SLC13A5: variants seen among roughly 807,000 people sequenced by gnomAD.
The protein encoded by SLC13A5 is solute carrier family 13 member 5, also known as Na(+)/citrate cotransporter.
A neutral mutation model predicts 56.5 loss-of-function variants in SLC13A5; 25 were observed. The observed-to-expected ratio is 0.44, with a 90% CI of 0.32 to 0.62. SLC13A5 has a LOEUF of 0.62. Ranked by LOEUF, SLC13A5 falls within the 20% of genes least tolerant of loss-of-function variation. The pLI is 0.04. For synonymous variants in SLC13A5, 307 were observed against 301.5 expected (o/e 1.02, Z -0.19); for missense variants, 649 against 737.8 (o/e 0.88, Z 1.39).
chr17:6,698,924 T>C (rs1973630608), intron 6 of SLC13A5, among the ~76,000 whole-genome samples: 1 of 151,578 alleles, frequency 6.6e-6, no homozygotes, highest in African/African-American at 2.4e-5. Flanking sequence ...TGCCTGTAAT[T>C]CCAGCTACTT....
chr17:6,697,280 G>A lies in SLC13A5; in HGVS notation c.840-1339C>T, dbSNP rs116014671. On this transcript the variant is annotated intron_variant, in intron 6 of 11. Transcript: ENST00000433363. ...GGGCTTCAGGTTTCCAGCATAAGGG[G>A]TGACCTTGGTATTACTAGTGGCCCA... is the stretch of plus-strand genomic sequence containing the variant. 6.6e-5 allele frequency among the ~76,000 whole-genome samples: 10 copies of A among 152,284 alleles called. No homozygotes were observed. The East Asian group carries it at 1.4e-3, about 21-fold the overall frequency.
At position 6,685,065 on chromosome 17, in the gene SLC13A5, G is replaced by A. The variant is rs1973203218; in HGVS notation, c.*1142C>T. The A allele has an allele frequency of 6.6e-6, 1 of 152,160 alleles. No individual in the cohort carries two copies. The highest frequency in any genetic ancestry group is 2.1e-4 in the South Asian group (1 of 4,830). The allele number at this position is 152,160 out of a possible 1,614,324, so 9.4% of individuals were successfully genotyped here. On this transcript the variant is annotated 3_prime_UTR_variant, in exon 12 of 12. Transcript: ENST00000433363. The surrounding 1 kb of genome is among the most constrained non-coding windows in gnomAD (Gnocchi z 4.2). ...GTAACTTCAAGTAGATTGGCCCACG[G>A]GCAGGGGTTGTTTGCTGAGAGATCA... is the stretch of plus-strand genomic sequence containing the variant.
At chr17:6,694,637 TGG>T (rs1293241858) in intron 7 of SLC13A5, among the ~76,000 whole-genome samples, 1 of 152,006 alleles carries the variant, frequency 6.6e-6, no homozygotes. Flanking sequence ...AAGAGTGGTA[TGG>T]GAGACTGAAT....
At position 6,701,400 on chromosome 17, in the gene SLC13A5, G is replaced by A. The variant is rs972021653; in HGVS notation, c.717-274C>T. The stretch of plus-strand genomic sequence containing the variant: ...TGCTAAGAGTCTCATGGAAGTTATG[G>A]CCCATCCCTCCAGAAAAATACAACT... On this transcript the variant is annotated intron_variant, in intron 5 of 11. Coordinates refer to ENST00000433363, the MANE Select transcript of SLC13A5 (RefSeq NM_177550.5). This position sits in a 1 kb window ranked among gnomAD's most constrained non-coding sequence, Gnocchi z 4.1. Among the ~76,000 whole-genome samples, 2 of 152,192 alleles carry A rather than the reference G, an allele frequency of 1.3e-5. No homozygotes were observed. Among genetic ancestry groups the A allele is most frequent in the African/African-American group, 4.8e-5 (2 of 41,460 alleles).
intron 6 of SLC13A5, among the ~76,000 whole-genome samples, chr17:6,696,371 A>G (rs537388839): frequency 6.6e-6 from 1 of 152,254 alleles, no homozygotes; most frequent in Non-Finnish European, 1.5e-5. Context: ...AGATGCAGGG[A>G]GTGAGTATGA....
chr17:6,695,853 C>G lies in SLC13A5; in HGVS notation c.928G>C (p.Gly310Arg). 1 of 1,614,138 alleles carries G rather than the reference C, an allele frequency of 6.2e-7. No individual in the cohort carries two copies. Among genetic ancestry groups the G allele is most frequent in the Non-Finnish European group, 8.5e-7 (1 of 1,180,034 alleles). Reference protein sequence around the residue: ...KVLQEEYRKLGPLSFAEINVL... With the variant: ...KVLQEEYRKLRPLSFAEINVL... The stretch of plus-strand genomic sequence containing the variant: ...TTGATCTCCGCGAAGGACAAGGGCC[C>G]CAGCTTCCGGTACTCCTCCTGCAGC... Residue 310 changes from glycine to arginine, a missense_variant, in exon 7 of 12, where the codon GGG (glycine) becomes CGG (arginine). Physicochemically the swap from Gly to Arg is moderately radical, Grantham distance 125. Coordinates refer to ENST00000433363, the MANE Select transcript of SLC13A5 (RefSeq NM_177550.5).
intron 6 of SLC13A5, 46 bp from the exon 7 acceptor site, chr17:6,695,987 T>C (rs1372788572): frequency 6.3e-7 from 1 of 1,577,928 alleles, no homozygotes; most frequent in South Asian, 1.1e-5. Context: ...ACTGGTTGGC[T>C]CAGGTGCTGG....
At chr17:6,695,431 C>T in intron 7 of SLC13A5, 1 of 285,302 alleles carries the variant, frequency 3.5e-6, no homozygotes, top group South Asian at 4.6e-5. Flanking sequence ...TCTCTGTTGC[C>T]CAGGCTGGAG....
Position 6,704,022 on chromosome 17 carries a change from G to A in SLC13A5, c.403C>T (p.Leu135=), listed in dbSNP as rs868417960. 6.2e-7 allele frequency: 1 copy of A among 1,613,134 alleles called. No homozygotes were observed. The highest frequency in any genetic ancestry group is 1.3e-5 in the African/African-American group (1 of 75,044). The change falls in exon 4 of 12, where the codon CTG becomes TTG. Residue 135 remains leucine, a synonymous_variant. Transcript: ENST00000433363. ...MLGFMGVTAL[L]SMWISNTATT... is the part of the protein sequence containing the mutation. Reference sequence around the variant, plus strand: ...GCCGTGTTACTGATCCACATGGACAGGAGGGCTGTGACGCCCATGAAGCCC... The same window carrying A: ...GCCGTGTTACTGATCCACATGGACAAGAGGGCTGTGACGCCCATGAAGCCC...
intron 10 of SLC13A5, chr17:6,689,957 G>T (rs903026624): frequency 6.8e-6 from 1 of 146,692 alleles, no homozygotes; most frequent in African/African-American, 2.5e-5. Context: ...GCCATGTTCA[G>T]AGATCCCACA....
At chr17:6,706,809 C>G in intron 2 of SLC13A5, 31 bp from the exon 3 acceptor site, 1 of 1,611,906 alleles carries the variant, frequency 6.2e-7, no homozygotes, top group Non-Finnish European at 8.5e-7. Context: ...CTCATCAGGA[C>G]TGTCCCTTGC....
intron 1 of SLC13A5, among the ~76,000 whole-genome samples, chr17:6,710,014 G>A (rs1049884412): frequency 1.3e-5 from 2 of 152,220 alleles, no homozygotes; most frequent in African/African-American, 2.4e-5. Flanking sequence ...GTGAGGGCAG[G>A]AGAAAGGGTC....
In SLC13A5 at chr17:6,711,717, A is replaced by T. The variant is rs918953431; in HGVS notation, c.102+1515T>A. ...TGTGTGTGTGAGAGAGAGAGTGTGT[A>T]TGTGTGTGTGTGTGAGTGGGGTCTC... On this transcript the variant is annotated intron_variant, in intron 1 of 11. Transcript: ENST00000433363. This position sits in a 1 kb window ranked among gnomAD's most constrained non-coding sequence, Gnocchi z 4.0. Among the ~76,000 whole-genome samples the T allele has an allele frequency of 1.3e-5, 2 of 148,186 alleles. No individual in the cohort carries two copies. Among genetic ancestry groups the T allele is most frequent in the Non-Finnish European group, 3.0e-5 (2 of 66,612 alleles).
intron 11 of SLC13A5, chr17:6,686,701 G>A (rs555017065): frequency 2.3e-4 from 52 of 222,064 alleles, no homozygotes; most frequent in Admixed American, 6.3e-4. Flanking sequence ...CTACAAGGAC[G>A]TGCCAGCTTC....
At chr17:6,700,952 C>CA in intron 6 of SLC13A5, 52 bp downstream of exon 6, 1 of 1,609,130 alleles carries the variant, frequency 6.2e-7, no homozygotes, top group Non-Finnish European at 8.5e-7. Context: ...GGCTCTTCTG[C>CA]AGCTTTGAGG....
chr17:6,695,140 T>C (rs1973523529), intron 7 of SLC13A5, among the ~76,000 whole-genome samples: 1 of 152,172 alleles, frequency 6.6e-6, no homozygotes, highest in African/African-American at 2.4e-5. Context: ...CTGGCCACCC[T>C]GCCTGGCCAA....
At chr17:6,698,491 A>G (rs989714970) in intron 6 of SLC13A5, among the ~76,000 whole-genome samples, 6 of 152,136 alleles carry the variant, frequency 3.9e-5, no homozygotes, top group African/African-American at 1.2e-4. Context: ...CCCGGCCCCA[A>G]CTAGTGTTTC....
At chr17:6,712,219 C>A (rs1028561028) in intron 1 of SLC13A5, among the ~76,000 whole-genome samples, 7 of 152,196 alleles carry the variant, frequency 4.6e-5, no homozygotes, top group African/African-American at 1.4e-4. Context: ...AGCTCCCCCC[C>A]AGAGCATCCC....
At chr17:6,702,068 A>G (rs1271508238) in intron 5 of SLC13A5, among the ~76,000 whole-genome samples, 1 of 152,208 alleles carries the variant, frequency 6.6e-6, no homozygotes, top group Non-Finnish European at 1.5e-5. Context: ...TCCCGAAATT[A>G]AAACAAACGG....
Sources: gnomAD v4.1 joint callset for allele counts (sites outside exome capture counted in the v4.1 genomes callset) on GRCh38, gnomAD v4.1.1 for gene constraint, Gnocchi (gnomAD v3.1) non-coding constraint, MANE v1.5 for transcripts, NCBI Gene and HGNC (gene_info 2026-07-23, HGNC 2026-07-21) for gene names.